The following SOBP variants were observed in gnomAD, a reference collection of about 807,000 sequenced individuals.
SOBP encodes sine oculis binding protein homolog, also known as sine oculis-binding protein homolog.
In SOBP, 4 loss-of-function variants were observed where a neutral mutation model predicts 53.6. That is an observed-to-expected ratio of 0.07 (90% CI 0.04 to 0.17). The LOEUF is 0.17. SOBP is among the 10% of genes least tolerant of loss of function. SOBP has a pLI of 1.00. For missense variants in SOBP, 1,088 were observed against 1,204.7 expected, an observed-to-expected ratio of 0.90 and a Z score of 1.43; for synonymous variants, 584 against 522.6, an observed-to-expected ratio of 1.12 and a Z score of -1.60.
chr6:107,518,550 T>C (rs1293985103), intron 3 of SOBP, among the ~76,000 whole-genome samples: 1 of 152,204 alleles, frequency 6.6e-6, no homozygotes, highest in African/African-American at 2.4e-5. Flanking sequence ...TGTGTATATA[T>C]GTGAGCCAAA....
intron 4 of SOBP, among the ~76,000 whole-genome samples, chr6:107,549,067 A>C (rs1443962087): frequency 6.6e-6 from 1 of 152,158 alleles, no homozygotes; most frequent in African/African-American, 2.4e-5. Flanking sequence ...GGAGATCGAG[A>C]CCATCTGGCT....
intron 4 of SOBP, among the ~76,000 whole-genome samples, chr6:107,555,200 A>G (rs1784574819): frequency 7.4e-6 from 1 of 135,630 alleles, no homozygotes; most frequent in Non-Finnish European, 1.6e-5. Context: ...AGAGAATGAA[A>G]AAAAAAAAAA....
chr6:107,614,047 A>C (rs1203762237), intron 5 of SOBP, among the ~76,000 whole-genome samples: 1 of 152,206 alleles, frequency 6.6e-6, no homozygotes, highest in Non-Finnish European at 1.5e-5. Flanking sequence ...TAAGAATGAA[A>C]TGGAAGTGTA....
intron 6 of SOBP, among the ~76,000 whole-genome samples, chr6:107,636,919 A>G (rs1415756243): frequency 6.6e-6 from 1 of 152,220 alleles, no homozygotes; most frequent in Non-Finnish European, 1.5e-5. Flanking sequence ...TAACTTGCCC[A>G]AGATTTTACC....
At chr6:107,508,868 C>T (rs980391747) in intron 3 of SOBP, among the ~76,000 whole-genome samples, 12 of 152,094 alleles carry the variant, frequency 7.9e-5, no homozygotes, top group Non-Finnish European at 1.3e-4. Context: ...TGAATATATG[C>T]CCAGTGGCTT....
chr6:107,643,460 C>T lies in SOBP; in HGVS notation c.*3+7991C>T, dbSNP rs572854295. Reference sequence around the variant, plus strand: ...TGAGATGGAGTTTCACTCTGTTGCCCGGCTGGAGTGCAGTGACGCGATCTC... The same window carrying T: ...TGAGATGGAGTTTCACTCTGTTGCCTGGCTGGAGTGCAGTGACGCGATCTC... On this transcript the variant is annotated intron_variant, in intron 6 of 6. Coordinates refer to ENST00000317357, the MANE Select transcript of SOBP (RefSeq NM_018013.4). 4.6e-5 allele frequency among the ~76,000 whole-genome samples: 7 copies of T among 151,926 alleles called. No homozygotes were observed. In the East Asian group the frequency reaches 5.8e-4, roughly 13 times the overall value.
chr6:107,638,719 G>A (rs1771174359), intron 6 of SOBP, among the ~76,000 whole-genome samples: 1 of 152,102 alleles, frequency 6.6e-6, no homozygotes, highest in Non-Finnish European at 1.5e-5. Context: ...GCTGAGATGT[G>A]GTGGGTGAGG....
intron 4 of SOBP, among the ~76,000 whole-genome samples, chr6:107,568,451 T>A (rs1784977945): frequency 6.6e-6 from 1 of 152,192 alleles, no homozygotes; most frequent in Non-Finnish European, 1.5e-5. Flanking sequence ...TGGGGCTAAC[T>A]CCCATCACTC....
intron 3 of SOBP, among the ~76,000 whole-genome samples, chr6:107,526,599 C>T (rs1385435084): frequency 6.6e-6 from 1 of 152,180 alleles, no homozygotes; most frequent in African/African-American, 2.4e-5. Context: ...CTGCATTCTG[C>T]CTGTCATAAA....
chr6:107,612,310 G>A (rs946854230), intron 5 of SOBP, among the ~76,000 whole-genome samples: 2 of 152,214 alleles, frequency 1.3e-5, no homozygotes, highest in African/African-American at 4.8e-5. Context: ...CAGAATGAAA[G>A]ACTCAGCTGT....
chr6:107,540,228 A>G (rs1784112601), intron 4 of SOBP, among the ~76,000 whole-genome samples: 1 of 152,230 alleles, frequency 6.6e-6, no homozygotes, highest in Non-Finnish European at 1.5e-5. Flanking sequence ...GGGGGATCCA[A>G]GCTATAGGCA....
chr6:107,605,831 C>A (rs1786353871), intron 5 of SOBP, among the ~76,000 whole-genome samples: 1 of 152,200 alleles, frequency 6.6e-6, no homozygotes, highest in Non-Finnish European at 1.5e-5. Flanking sequence ...ATGGAGAATC[C>A]CAGGTCCCAC....
intron 3 of SOBP, among the ~76,000 whole-genome samples, chr6:107,517,409 G>T (rs1415371857): frequency 6.6e-6 from 1 of 151,940 alleles, no homozygotes; most frequent in Non-Finnish European, 1.5e-5. Flanking sequence ...TCCTCATGTG[G>T]TGAAGGGAGA....
intron 5 of SOBP, among the ~76,000 whole-genome samples, chr6:107,628,758 C>A (rs1260894748): frequency 2.6e-5 from 4 of 152,194 alleles, no homozygotes. Flanking sequence ...GCCTCTTTTG[C>A]CACTCAGGGA....
chr6:107,568,690 CTTCTGCCCTT>C (rs1300070683), intron 4 of SOBP, among the ~76,000 whole-genome samples: 1 of 152,186 alleles, frequency 6.6e-6, no homozygotes, highest in Non-Finnish European at 1.5e-5. Flanking sequence ...TGGTGGATAC[CTTCTGCCCTT>C]TTCCTCAGGT....
intron 3 of SOBP, chr6:107,514,890 G>A (rs147833713): frequency 4.5e-4 from 68 of 152,322 alleles, no homozygotes; most frequent in African/African-American, 1.5e-3. Flanking sequence ...CTGCATATAT[G>A]TATAGTTATA....
At chr6:107,533,740 G>T in intron 4 of SOBP, 130 bp downstream of exon 4, 1 of 1,190,342 alleles carries the variant, frequency 8.4e-7, no homozygotes, top group Non-Finnish European at 1.2e-6. Context: ...CTGTTTTGTT[G>T]ATTCCCCTTT....
chr6:107,557,690 G>T (rs1029141884), intron 4 of SOBP: 1 of 152,054 alleles, frequency 6.6e-6, no homozygotes, highest in Non-Finnish European at 1.5e-5. Context: ...GGTTATTCAT[G>T]AATTGAGCTC....
At chr6:107,515,971 G>A (rs894017013) in intron 3 of SOBP, among the ~76,000 whole-genome samples, 9 of 152,070 alleles carry the variant, frequency 5.9e-5, no homozygotes, top group African/African-American at 2.2e-4. Context: ...ACCATTAACA[G>A]AATAAAGTAA....
Sources: allele counts gnomAD v4.1 joint callset (sites outside exome capture counted in the v4.1 genomes callset), GRCh38; gene constraint gnomAD v4.1.1; transcripts MANE v1.5; gene names NCBI Gene and HGNC (gene_info 2026-07-23, HGNC 2026-07-21).